Variants in SLC12A8 observed in about 807,000 individuals in gnomAD.
SLC12A8 encodes cation-chloride cotransporter 9.
SLC12A8 carries 69 observed loss-of-function variants against 75.6 expected under a neutral mutation model. That is an observed-to-expected ratio of 0.91 (90% CI 0.75 to 1.11). The LOEUF (loss-of-function observed/expected upper bound fraction) is 1.11, where lower values mean the gene tolerates loss of function less well. Among genes scored for constraint, SLC12A8 ranks in the 50% most tolerant of loss-of-function variants. The pLI is 0.00. For synonymous variants in SLC12A8, 365 were observed against 372.8 expected (o/e 0.98, Z 0.24); for missense variants, 877 against 896.7 (o/e 0.98, Z 0.28).
At chr3:125,134,657 G>T (rs1236700128) in intron 6 of SLC12A8, among the ~76,000 whole-genome samples, 1 of 152,150 alleles carries the variant, frequency 6.6e-6, no homozygotes, top group African/African-American at 2.4e-5. Flanking sequence ...CAAAGTCACC[G>T]CACCATTTTA....
chr3:125,201,134 C>T (rs1935112353), intron 2 of SLC12A8, among the ~76,000 whole-genome samples: 1 of 152,280 alleles, frequency 6.6e-6, no homozygotes, highest in African/African-American at 2.4e-5. Context: ...CACGGTGGCT[C>T]ACATTTGTAA....
At chr3:125,156,894 G>T (rs1015209385) in intron 5 of SLC12A8, among the ~76,000 whole-genome samples, 2 of 152,150 alleles carry the variant, frequency 1.3e-5, no homozygotes, top group South Asian at 2.1e-4. Context: ...TTGACCTTTT[G>T]CTCAGCTTTT....
At position 125,092,272 on chromosome 3, in the gene SLC12A8, G is replaced by T; in HGVS notation, c.1706-74C>A. ...CTGTTTTTTAGGAAAATATACCTATGAGCTCCTCTTCCCCAATTTTGTAAC... is the reference window on the plus strand; with the variant it reads ...CTGTTTTTTAGGAAAATATACCTATTAGCTCCTCTTCCCCAATTTTGTAAC... On this transcript the variant is annotated intron_variant, in intron 10 of 13. Transcript: ENST00000469902. 4 of 991,168 alleles carry T rather than the reference G, an allele frequency of 4.0e-6. No homozygotes were observed. In the South Asian group the frequency reaches 5.6e-5, roughly 14 times the overall value. 61.4% of individuals were successfully genotyped at this position (991,168 alleles called of 1,614,324 possible).
chr3:125,204,677 A>G (rs1012869180), intron 2 of SLC12A8, among the ~76,000 whole-genome samples: 1 of 152,156 alleles, frequency 6.6e-6, no homozygotes, highest in African/African-American at 2.4e-5. Context: ...AAGGGTAACT[A>G]TAGTCAACAA....
At chr3:125,158,087 T>G (rs1934089252) in intron 5 of SLC12A8, among the ~76,000 whole-genome samples, 2 of 152,290 alleles carry the variant, frequency 1.3e-5, no homozygotes, top group Non-Finnish European at 1.5e-5. Context: ...AGACACAACT[T>G]GACAACTCAC....
Position 125,083,230 on chromosome 3 carries a change from T to C in SLC12A8, c.*660A>G, listed in dbSNP as rs1429356524. ...AATAAAATATAAAACATACACTTAT[T>C]GTGGCCCTCTGCACAAGCAATCTGG... On this transcript the variant is annotated 3_prime_UTR_variant, in exon 14 of 14. Transcript: ENST00000469902. 1 of 152,168 alleles carries C rather than the reference T, an allele frequency of 6.6e-6. No individual in the cohort carries two copies. Among genetic ancestry groups the C allele is most frequent in the African/African-American group, 2.4e-5 (1 of 41,442 alleles). 9.4% of individuals were successfully genotyped at this position (152,168 alleles called of 1,614,324 possible).
chr3:125,178,088 A>G, intron 4 of SLC12A8, 114 bp from the exon 5 acceptor site: 1 of 845,876 alleles, frequency 1.2e-6, no homozygotes, highest in South Asian at 1.6e-5. Context: ...CACTGGCACC[A>G]AGGCACAGTG....
chr3:125,109,842 T>G (rs139571144), intron 9 of SLC12A8, among the ~76,000 whole-genome samples: 1 of 152,184 alleles, frequency 6.6e-6, no homozygotes, highest in African/African-American at 2.4e-5. Context: ...CTTTCTTCTA[T>G]GCTAAACCTG....
intron 5 of SLC12A8, among the ~76,000 whole-genome samples, chr3:125,149,504 A>T (rs981160441): frequency 5.3e-5 from 8 of 152,228 alleles, no homozygotes; most frequent in African/African-American, 1.9e-4. Context: ...CAAGGGCTGG[A>T]TCCAAACAAT....
At chr3:125,186,050 T>C (rs1934774920) in intron 4 of SLC12A8, among the ~76,000 whole-genome samples, 1 of 152,084 alleles carries the variant, frequency 6.6e-6, no homozygotes, top group Admixed American at 6.5e-5. Context: ...TGCCCATCCA[T>C]GGCATCTGCC....
intron 5 of SLC12A8, among the ~76,000 whole-genome samples, chr3:125,141,545 C>T (rs1933637439): frequency 6.6e-6 from 1 of 152,234 alleles, no homozygotes; most frequent in Admixed American, 6.5e-5. Flanking sequence ...CATCCCCTCC[C>T]CCTACGCCGC....
At chr3:125,089,260 C>A (rs1328458061) in intron 12 of SLC12A8, among the ~76,000 whole-genome samples, 1 of 152,140 alleles carries the variant, frequency 6.6e-6, no homozygotes, top group Non-Finnish European at 1.5e-5. Context: ...AATTTTAGAT[C>A]TGCATTTGCA....
chr3:125,107,380 A>AT, intron 10 of SLC12A8, 101 bp downstream of exon 10: 1 of 1,110,928 alleles, frequency 9.0e-7, no homozygotes, highest in Non-Finnish European at 1.3e-6. Flanking sequence ...ATTAACAAGG[A>AT]TTTTAAACCC....
At chr3:125,152,474 A>C (rs1356768002) in intron 5 of SLC12A8, among the ~76,000 whole-genome samples, 1 of 152,224 alleles carries the variant, frequency 6.6e-6, no homozygotes, top group Admixed American at 6.5e-5. Context: ...TATCTTTAAA[A>C]GTCTAGCATT....
At chr3:125,189,170 G>A (rs1454927283) in intron 3 of SLC12A8, among the ~76,000 whole-genome samples, 1 of 152,186 alleles carries the variant, frequency 6.6e-6, no homozygotes. Context: ...TCAGTTGAAG[G>A]CCTTACAAGC....
At position 125,187,443 on chromosome 3, in the gene SLC12A8, C is replaced by A; in HGVS notation, c.199-15G>T. ...CCTGTGTTTCCCTGCAGCAGAATAGCAAGGAGCAAGGTTGGATTAGGTGAG... is the reference window on the plus strand; with the variant it reads ...CCTGTGTTTCCCTGCAGCAGAATAGAAAGGAGCAAGGTTGGATTAGGTGAG... On this transcript the variant is annotated splice_polypyrimidine_tract_variant and intron_variant, in intron 3 of 13. Transcript: ENST00000469902. 1 of 1,612,204 alleles carries A rather than the reference C, an allele frequency of 6.2e-7. No homozygotes were observed. Among genetic ancestry groups the A allele is most frequent in the Non-Finnish European group, 8.5e-7 (1 of 1,179,108 alleles).
chr3:125,085,737 C>T (rs1000387039), intron 13 of SLC12A8, among the ~76,000 whole-genome samples: 2 of 151,892 alleles, frequency 1.3e-5, no homozygotes, highest in South Asian at 2.1e-4. Flanking sequence ...CCACCACACC[C>T]GGCTAACTTT....
intron 5 of SLC12A8, among the ~76,000 whole-genome samples, chr3:125,141,319 T>G (rs1425692776): frequency 6.6e-6 from 1 of 152,324 alleles, no homozygotes; most frequent in East Asian, 1.9e-4. Flanking sequence ...ATGCGGCCAG[T>G]GGGCTGTGGC....
Position 125,088,348 on chromosome 3 carries a change from A to G in SLC12A8, c.1944T>C (p.Phe648=). The change falls in exon 13 of 14, where the codon TTT becomes TTC. Residue 648 remains phenylalanine (F), a synonymous_variant. Transcript: ENST00000469902. ...LHLGSASNFS[F]FRWMRSLLLP... ...GCAAGAGAGACCTCATCCACCGGAA[A>G]AAGCTGAAGTTGGAGGCTGATCCTG... 4 of 1,614,220 alleles carry G rather than the reference A, an allele frequency of 2.5e-6. No individual in the cohort carries two copies. The highest frequency in any genetic ancestry group is 3.4e-6 in the Non-Finnish European group (4 of 1,180,038).
Sources: allele counts gnomAD v4.1 joint callset (sites outside exome capture counted in the v4.1 genomes callset), GRCh38; gene constraint gnomAD v4.1.1; transcripts MANE v1.5; gene names NCBI Gene and HGNC (gene_info 2026-07-23, HGNC 2026-07-21).